C10orf71: variants seen among roughly 807,000 people sequenced by gnomAD.
C10orf71 encodes cardiac-enriched FHL2-interacting protein.
For missense variants in C10orf71, 1,869 were observed against 1,804.5 expected, an observed-to-expected ratio of 1.04 and a Z score of -0.65; for synonymous variants, 758 against 726.3, an observed-to-expected ratio of 1.04 and a Z score of -0.70.
chr10:49,321,896 C>G (rs575511258), intron 2 of C10orf71, among the ~76,000 whole-genome samples: 1 of 152,060 alleles, frequency 6.6e-6, no homozygotes, highest in Non-Finnish European at 1.5e-5. Flanking sequence ...TTTAAATCAG[C>G]GGGTTTGGGG....
Position 49,322,645 on chromosome 10 carries a change from G to A in C10orf71, c.100G>A (p.Asp34Asn). Residue 34 changes from aspartate to asparagine, a missense_variant, in exon 3 of 3, where the codon GAC (aspartate) becomes AAC (asparagine). Physicochemically the swap from Asp to Asn is conservative, Grantham distance 23. Coordinates refer to ENST00000374144, the MANE Select transcript of C10orf71 (RefSeq NM_001135196.2). ...DADREVSSLT[D>N]RAFRSLCISE... ...AGACAGGGAGGTGAGCAGCCTAACA[G>A]ACCGGGCATTCCGGAGTTTGTGCAT... is the stretch of plus-strand genomic sequence containing the variant. The A allele has an allele frequency of 1.2e-6, 2 of 1,613,564 alleles. No individual in the cohort carries two copies. Among genetic ancestry groups the A allele is most frequent in the Non-Finnish European group, 1.7e-6 (2 of 1,179,672 alleles).
At chr10:49,312,403 C>CCA in intron 1 of C10orf71, among the ~76,000 whole-genome samples, 2 of 152,244 alleles carry the variant, frequency 1.3e-5, no homozygotes, top group African/African-American at 4.8e-5. Context: ...GAACATGGCG[C>CCA]TGTTGAGTCC....
At chr10:49,316,489 A>G (rs1342598857) in intron 2 of C10orf71, among the ~76,000 whole-genome samples, 1 of 152,198 alleles carries the variant, frequency 6.6e-6, no homozygotes. Context: ...AATGCTCTGA[A>G]GATCAATGAA....
intron 1 of C10orf71, among the ~76,000 whole-genome samples, chr10:49,311,746 T>C (rs1441329273): frequency 6.6e-6 from 1 of 152,162 alleles, no homozygotes; most frequent in African/African-American, 2.4e-5. Context: ...AGAGGGACTA[T>C]TACTTGAGGG....
At chr10:49,317,382 G>C (rs1849016901) in intron 2 of C10orf71, among the ~76,000 whole-genome samples, 1 of 152,218 alleles carries the variant, frequency 6.6e-6, no homozygotes, top group African/African-American at 2.4e-5. Context: ...TGTCTCTCAG[G>C]GCTGCAAAGT....
Position 49,325,694 on chromosome 10 carries a change from C to T in C10orf71, c.3149C>T (p.Pro1050Leu), listed in dbSNP as rs868200891. The change falls in exon 3 of 3, where the codon CCC becomes CTC. Residue 1050 changes from proline (P) to leucine (L), a missense_variant. Pro to Leu is a moderately conservative substitution (Grantham distance 98, BLOSUM62 -3). Coordinates refer to ENST00000374144, the MANE Select transcript of C10orf71 (RefSeq NM_001135196.2). The part of the protein sequence containing the change: ...RAGPPGRRLV[P>L]SERANSPNPG... ...GGGCCCCCTGGCAGAAGACTGGTCC[C>T]CAGTGAGAGGGCGAATTCCCCCAAC... 4.5e-6 allele frequency: 7 copies of T among 1,551,754 alleles called. No homozygotes were observed. The African/African-American group carries it at 6.8e-5, about 15-fold the overall frequency.
At chr10:49,298,466 A>T (rs1463681669), upstream of C10orf71, among the ~76,000 whole-genome samples, 2 of 152,200 alleles carry the variant, frequency 1.3e-5, no homozygotes, top group African/African-American at 4.8e-5. Context: ...AGCCAGTGGA[A>T]AAAGTTGGGG....
intron 1 of C10orf71, among the ~76,000 whole-genome samples, chr10:49,306,227 C>A (rs1848811355): frequency 6.6e-6 from 1 of 152,218 alleles, no homozygotes; most frequent in Non-Finnish European, 1.5e-5. Context: ...CTGACTCCAG[C>A]ATCGAGAGAC....
rs1357454289 is a variant in C10orf71, at chr10:49,326,347, C to T, written c.3802C>T (p.Pro1268Ser). The T allele has an allele frequency of 6.5e-7, 1 of 1,550,314 alleles. No homozygotes were observed. Reference sequence around the variant, plus strand: ...GGGCCCCCAGTCCCTCACACCCCTGCCCGCGTACCCCGCCACCCAGAAGGT... The same window carrying T: ...GGGCCCCCAGTCCCTCACACCCCTGTCCGCGTACCCCGCCACCCAGAAGGT... ...PGGPQSLTPLPAYPATQKVLQ... is the reference protein window; with the variant it reads ...PGGPQSLTPLSAYPATQKVLQ... Residue 1268 changes from proline to serine, a missense_variant, in exon 3 of 3, where the codon CCC becomes TCC. Pro to Ser is a moderately conservative substitution (Grantham distance 74). Coordinates refer to ENST00000374144, the MANE Select transcript of C10orf71 (RefSeq NM_001135196.2).
At position 49,324,932 on chromosome 10, in the gene C10orf71, A is replaced by G. The variant is rs1849190042; in HGVS notation, c.2387A>G (p.Gln796Arg). 12 of 1,550,834 alleles carry G rather than the reference A, an allele frequency of 7.7e-6. No homozygotes were observed. The highest frequency in any genetic ancestry group is 1.0e-5 in the Non-Finnish European group (12 of 1,146,292). ...NGHACLENRS[Q>R]GEALQRERES... ...CACGCATGCCTGGAAAACCGCAGCC[A>G]GGGGGAAGCATTGCAAAGAGAAAGG... The change falls in exon 3 of 3, where the codon CAG becomes CGG. Residue 796 changes from glutamine to arginine, a missense_variant. Gln to Arg is a conservative substitution (Grantham distance 43). Coordinates refer to ENST00000374144, the MANE Select transcript of C10orf71 (RefSeq NM_001135196.2).
chr10:49,316,108 AG>A (rs756772541), intron 1 of C10orf71, 36 bp from the exon 2 acceptor site: 3 of 152,236 alleles, frequency 2.0e-5, no homozygotes, highest in Non-Finnish European at 4.4e-5. Context: ...CCCTTTGGTC[AG>A]TTGGGTTCCA....
chr10:49,306,560 C>A (rs1244022062), intron 1 of C10orf71, among the ~76,000 whole-genome samples: 1 of 152,276 alleles, frequency 6.6e-6, no homozygotes, highest in African/African-American at 2.4e-5. Flanking sequence ...GCAGGAAGAG[C>A]CTGGTGCTGG....
chr10:49,317,036 A>G (rs1316910833), intron 2 of C10orf71, among the ~76,000 whole-genome samples: 4 of 152,186 alleles, frequency 2.6e-5, no homozygotes, highest in Non-Finnish European at 4.4e-5. Flanking sequence ...TCTCCAACTA[A>G]CCGATTTTCA....
chr10:49,304,965 A>C (rs761111659), intron 1 of C10orf71, among the ~76,000 whole-genome samples: 52 of 152,340 alleles, frequency 3.4e-4, no homozygotes, highest in Admixed American at 5.2e-4. Flanking sequence ...CAAGGTCACC[A>C]AAGTGAGACT....
intron 1 of C10orf71, among the ~76,000 whole-genome samples, chr10:49,306,084 T>C (rs773497764): frequency 3.9e-5 from 6 of 152,220 alleles, no homozygotes; most frequent in Non-Finnish European, 8.8e-5. Context: ...GAGGAGGATG[T>C]GTATGCCATT....
intron 1 of C10orf71, among the ~76,000 whole-genome samples, chr10:49,301,956 T>A (rs1848735686): frequency 6.6e-6 from 1 of 152,126 alleles, no homozygotes; most frequent in Non-Finnish European, 1.5e-5. Context: ...CTGGGCTGTC[T>A]TCCCTTGCCT....
At chr10:49,318,832 TGAGA>T (rs1849042383) in intron 2 of C10orf71, among the ~76,000 whole-genome samples, 1 of 152,162 alleles carries the variant, frequency 6.6e-6, no homozygotes, top group Non-Finnish European at 1.5e-5. Context: ...CAGATACAGA[TGAGA>T]GAGATGCACT....
Position 49,322,907 on chromosome 10 carries a change from C to T in C10orf71, c.362C>T (p.Pro121Leu). ...CCCAAAACCAGCCCCCCACCAACGC[C>T]AGTCCAGAGGAGACTGGAGGTGCCA... is the stretch of plus-strand genomic sequence containing the variant. ...KYPKTSPPPT[P>L]VQRRLEVPVS... Residue 121 changes from proline (P) to leucine (L), a missense_variant, in exon 3 of 3, where the codon CCA becomes CTA. Pro to Leu is a moderately conservative substitution (Grantham distance 98). Coordinates refer to ENST00000374144, the MANE Select transcript of C10orf71 (RefSeq NM_001135196.2). 1 of 1,613,920 alleles carries T rather than the reference C, an allele frequency of 6.2e-7. No homozygotes were observed.
chr10:49,327,175 T>C lies in C10orf71; in HGVS notation c.*322T>C. ...CTCCCTCTCCTGGCCCACCCTGCTC[T>C]TCCCTCGCCCTGCAAATTAGGTGGG... On this transcript the variant is annotated 3_prime_UTR_variant, in exon 3 of 3. Coordinates refer to ENST00000374144, the MANE Select transcript of C10orf71 (RefSeq NM_001135196.2). The C allele has an allele frequency of 1.5e-6, 1 of 675,582 alleles. No homozygotes were observed. Among genetic ancestry groups the C allele is most frequent in the African/African-American group, 1.9e-5 (1 of 53,448 alleles). The allele number at this position is 675,582 out of a possible 1,614,324, so 41.8% of individuals were successfully genotyped here.
Sources: allele counts gnomAD v4.1 joint callset (sites outside exome capture counted in the v4.1 genomes callset), GRCh38; gene constraint gnomAD v4.1.1; transcripts MANE v1.5; gene names NCBI Gene and HGNC (gene_info 2026-07-23, HGNC 2026-07-21).